PAX3: variants seen among roughly 807,000 people sequenced by gnomAD.
The protein encoded by PAX3 is paired box 3.
A neutral mutation model predicts 51.6 loss-of-function variants in PAX3; 14 were observed. That is an observed-to-expected ratio of 0.27 (90% CI 0.18 to 0.42). PAX3 has a LOEUF of 0.42. Ranked by LOEUF, PAX3 falls within the 10% of genes least tolerant of loss-of-function variation. The probability of loss-of-function intolerance (pLI) is 1.00; values close to 1 mark genes in which losing one functional copy is unlikely to be tolerated. For synonymous variants in PAX3, 280 were observed against 253.4 expected (o/e 1.11, Z -1.00); for missense variants, 540 against 642.8 (o/e 0.84, Z 1.73).
intron 7 of PAX3, among the ~76,000 whole-genome samples, chr2:222,215,856 C>T (rs546323192): frequency 4.6e-5 from 7 of 152,166 alleles, no homozygotes; most frequent in South Asian, 4.2e-4. Flanking sequence ...GAAGACAGCC[C>T]GTGTTGCAGT....
At chr2:222,218,279 G>A (rs1293512444) in intron 7 of PAX3, among the ~76,000 whole-genome samples, 1 of 152,044 alleles carries the variant, frequency 6.6e-6, no homozygotes, top group Non-Finnish European at 1.5e-5. Context: ...TAATAGTTAG[G>A]AGATCACATT....
Position 222,201,229 on chromosome 2 carries a change from A to G in PAX3, c.*179T>C, listed in dbSNP as rs143220323. 46 of 1,613,846 alleles carry G rather than the reference A, an allele frequency of 2.9e-5. No individual in the cohort carries two copies. The African/African-American group carries it at 4.8e-4, about 17-fold the overall frequency. On this transcript the variant is annotated 3_prime_UTR_variant, in exon 9 of 9. Transcript: ENST00000392070. ...GCTTTTGTCGAACGTGTTCAAAAGG[A>G]TTTGAAACCAACTATTGGAGGAAGA...
At chr2:222,231,270 C>T (rs1322742475) in intron 5 of PAX3, among the ~76,000 whole-genome samples, 1 of 152,194 alleles carries the variant, frequency 6.6e-6, no homozygotes, top group Non-Finnish European at 1.5e-5. Context: ...GACAAGGTGA[C>T]TTAACTTCTA....
At position 222,288,485 on chromosome 2, in the gene PAX3, T is replaced by G. The variant is rs574324663; in HGVS notation, c.586+5682A>C. On this transcript the variant is annotated intron_variant, in intron 4 of 8. Coordinates refer to ENST00000392070, the MANE Select transcript of PAX3 (RefSeq NM_181458.4). Reference sequence around the variant, plus strand: ...TGGAAACACGTGTAGAGAGATGTAGTCAATATAACACTCAGATTCCTGTGT... The same window carrying G: ...TGGAAACACGTGTAGAGAGATGTAGGCAATATAACACTCAGATTCCTGTGT... 6.6e-5 allele frequency among the ~76,000 whole-genome samples: 10 copies of G among 152,326 alleles called. No individual in the cohort carries two copies. In the East Asian group the frequency reaches 1.9e-3, roughly 29 times the overall value.
chr2:222,215,848 AGAC>A (rs1691934230), intron 7 of PAX3, among the ~76,000 whole-genome samples: 1 of 152,180 alleles, frequency 6.6e-6, no homozygotes, highest in Non-Finnish European at 1.5e-5. Flanking sequence ...GTACTACAGA[AGAC>A]AGCCCGTGTT....
intron 8 of PAX3, chr2:222,201,674 T>C (rs1198917489): frequency 7.1e-7 from 1 of 1,414,044 alleles, no homozygotes; most frequent in Non-Finnish European, 9.3e-7. Flanking sequence ...TCAGGGATTA[T>C]TTCATTTTGG....
At chr2:222,268,451 C>A (rs1694132705) in intron 4 of PAX3, among the ~76,000 whole-genome samples, 1 of 152,168 alleles carries the variant, frequency 6.6e-6, no homozygotes, top group Non-Finnish European at 1.5e-5. Context: ...ACCCCCCCAG[C>A]CCTACCTACT....
chr2:222,241,240 T>G (rs551055035), intron 4 of PAX3, among the ~76,000 whole-genome samples: 1 of 152,278 alleles, frequency 6.6e-6, no homozygotes, highest in East Asian at 1.9e-4. Context: ...TGACTTTTAT[T>G]TACAATTGCC....
chr2:222,228,540 G>C (rs1055128325), intron 5 of PAX3, among the ~76,000 whole-genome samples: 1 of 152,068 alleles, frequency 6.6e-6, no homozygotes, highest in Non-Finnish European at 1.5e-5. Context: ...GAACAACACC[G>C]AACACTCCTC....
At position 222,294,219 on chromosome 2, in the gene PAX3, C is replaced by T. The variant is rs569880951; in HGVS notation, c.534G>A (p.Glu178=). ...TGTGTTTGGCCTTCTTCTCGCTTTC[C>T]TCTGCCTCCTTCCTCTCCAAGTCGG... ...EEADLERKEA[E]ESEKKAKHSI... is the part of the protein sequence containing the mutation. The change falls in exon 4 of 9, where the codon GAG becomes GAA. Residue 178 remains glutamate (E), a synonymous_variant. Transcript: ENST00000392070. The T allele has an allele frequency of 1.9e-5, 30 of 1,614,276 alleles. No individual in the cohort carries two copies. In the Admixed American group the frequency reaches 3.5e-4, roughly 19 times the overall value.
chr2:222,247,670 T>C (rs1693278510), intron 4 of PAX3, among the ~76,000 whole-genome samples: 1 of 152,156 alleles, frequency 6.6e-6, no homozygotes, highest in African/African-American at 2.4e-5. Flanking sequence ...TGTGGATCTA[T>C]AGGTGAATTT....
At chr2:222,220,851 A>C (rs1369449158) in intron 6 of PAX3, among the ~76,000 whole-genome samples, 1 of 152,266 alleles carries the variant, frequency 6.6e-6, no homozygotes, top group Non-Finnish European at 1.5e-5. Flanking sequence ...TGACTTTGTC[A>C]AAGCTTACCT....
At chr2:222,236,846 G>A (rs762032997) in intron 4 of PAX3, among the ~76,000 whole-genome samples, 1 of 152,100 alleles carries the variant, frequency 6.6e-6, no homozygotes, top group Non-Finnish European at 1.5e-5. Flanking sequence ...CATTATTAGA[G>A]ATACTCTTCC....
intron 4 of PAX3, among the ~76,000 whole-genome samples, chr2:222,248,993 G>A (rs956193743): frequency 1.3e-5 from 2 of 152,096 alleles, no homozygotes; most frequent in African/African-American, 4.8e-5. Flanking sequence ...TAATTTTGGA[G>A]GCATTCACAG....
chr2:222,211,011 T>C (rs1691704222), intron 7 of PAX3, among the ~76,000 whole-genome samples: 1 of 152,028 alleles, frequency 6.6e-6, no homozygotes, highest in African/African-American at 2.4e-5. Context: ...GGAGTACAGG[T>C]GCAGGCCACC....
At chr2:222,203,534 A>G (rs534048002) in intron 7 of PAX3, among the ~76,000 whole-genome samples, 3 of 152,268 alleles carry the variant, frequency 2.0e-5, no homozygotes, top group Non-Finnish European at 1.5e-5. Context: ...AATGACAACC[A>G]AGCCCTGACT....
In PAX3 at chr2:222,220,432, C is replaced by T. The variant is rs766714441; in HGVS notation, c.959-78G>A. On this transcript the variant is annotated intron_variant, in intron 6 of 8. Coordinates refer to ENST00000392070, the MANE Select transcript of PAX3 (RefSeq NM_181458.4). The stretch of plus-strand genomic sequence containing the variant: ...AAGTTCAGTGCAAAAGTTCATCAGC[C>T]ACCAGGCCATCAGGAGCATCTATTG... 105 of 1,348,314 alleles carry T rather than the reference C, an allele frequency of 7.8e-5. 1 individual carries two copies. Among genetic ancestry groups the T allele is most frequent in the Non-Finnish European group, 9.0e-5 (85 of 941,684 alleles). The allele number at this position is 1,348,314 out of a possible 1,614,324, so 83.5% of individuals were successfully genotyped here.
intron 4 of PAX3, among the ~76,000 whole-genome samples, chr2:222,269,756 C>T (rs1694185217): frequency 1.3e-5 from 2 of 151,806 alleles, no homozygotes; most frequent in Admixed American, 6.6e-5. Context: ...AACAATATGC[C>T]GAGATAAAGT....
intron 4 of PAX3, among the ~76,000 whole-genome samples, chr2:222,232,780 T>A (rs537825250): frequency 1.3e-5 from 2 of 152,286 alleles, no homozygotes; most frequent in African/African-American, 4.8e-5. Context: ...ATGTGATTTT[T>A]AAAAATATTC....
Sources: gnomAD v4.1 joint callset for allele counts (sites outside exome capture counted in the v4.1 genomes callset) on GRCh38, gnomAD v4.1.1 for gene constraint, MANE v1.5 for transcripts, NCBI Gene and HGNC (gene_info 2026-07-23, HGNC 2026-07-21) for gene names.